UBE3C: variants seen among roughly 807,000 people sequenced by gnomAD.
UBE3C encodes the protein ubiquitin protein ligase E3C.
In UBE3C, 42 loss-of-function variants were observed where a neutral mutation model predicts 129.4. The observed-to-expected ratio is 0.32, with a 90% CI of 0.25 to 0.42. The LOEUF is 0.42. Ranked by LOEUF, UBE3C falls within the 10% of genes least tolerant of loss-of-function variation. The pLI, the probability that UBE3C is intolerant of heterozygous loss-of-function variation, is 1.00. For missense variants in UBE3C, 1,049 were observed against 1,319.1 expected (o/e 0.80, Z 3.17); for synonymous variants, 510 against 492.4 (o/e 1.04, Z -0.47).
intron 8 of UBE3C, among the ~76,000 whole-genome samples, chr7:157,183,595 C>T (rs998914779): frequency 3.3e-5 from 5 of 152,124 alleles, no homozygotes; most frequent in African/African-American, 7.2e-5. Context: ...TCTGAGTCCC[C>T]TAGATGGCCT....
chr7:157,180,037 A>G (rs1808626887), intron 6 of UBE3C, among the ~76,000 whole-genome samples: 1 of 152,222 alleles, frequency 6.6e-6, no homozygotes, highest in African/African-American at 2.4e-5. Context: ...CTAAAATTGT[A>G]AGGAAGATAT....
At position 157,238,393 on chromosome 7, in the gene UBE3C, G is replaced by A. The variant is rs150564236; in HGVS notation, c.2481+7066G>A. Among the ~76,000 whole-genome samples the A allele has an allele frequency of 5.9e-5, 9 of 152,132 alleles. No individual in the cohort carries two copies. In the East Asian group the frequency reaches 1.5e-3, roughly 26 times the overall value. ...GGGAGACCGGATGGAGTGTCACATC[G>A]TTCAGGTGGAGTGATGCTGCTGCCC... is the stretch of plus-strand genomic sequence containing the variant. On this transcript the variant is annotated intron_variant, in intron 18 of 22. Coordinates refer to ENST00000348165, the MANE Select transcript of UBE3C (RefSeq NM_014671.3).
At chr7:157,263,366 CT>C (rs1796973872) in intron 22 of UBE3C, 2 of 152,410 alleles carry the variant, frequency 1.3e-5, no homozygotes, top group South Asian at 4.1e-4. Context: ...GCTTTGTGGG[CT>C]TGCCACACTT....
chr7:157,239,243 G>T (rs548202840), intron 18 of UBE3C, among the ~76,000 whole-genome samples: 1 of 152,132 alleles, frequency 6.6e-6, no homozygotes, highest in East Asian at 1.9e-4. Context: ...TAAATTGTAG[G>T]ATATTCACAA....
intron 16 of UBE3C, among the ~76,000 whole-genome samples, chr7:157,224,912 A>G (rs994297029): frequency 1.3e-5 from 2 of 152,152 alleles, no homozygotes; most frequent in Admixed American, 1.3e-4. Context: ...TATTTCTACT[A>G]GTGTTAGTAT....
intron 17 of UBE3C, among the ~76,000 whole-genome samples, chr7:157,226,777 G>T (rs942990694): frequency 6.1e-5 from 9 of 146,842 alleles, no homozygotes; most frequent in Non-Finnish European, 8.9e-5. Flanking sequence ...ATGGCCCTCT[G>T]ATGCCGAGTG....
intron 1 of UBE3C, among the ~76,000 whole-genome samples, chr7:157,146,123 A>G (rs1347338522): frequency 1.3e-5 from 2 of 152,090 alleles, no homozygotes; most frequent in Non-Finnish European, 2.9e-5. Context: ...TTAATTTTTG[A>G]AGTTTTTTTG....
chr7:157,200,053 CAT>C (rs1326742828), intron 10 of UBE3C, among the ~76,000 whole-genome samples: 1 of 152,136 alleles, frequency 6.6e-6, no homozygotes, highest in African/African-American at 2.4e-5. Context: ...TTCATAAAAT[CAT>C]AATACTTCTG....
At chr7:157,157,226 G>T (rs1807935011) in intron 1 of UBE3C, among the ~76,000 whole-genome samples, 1 of 152,170 alleles carries the variant, frequency 6.6e-6, no homozygotes, top group African/African-American at 2.4e-5. Flanking sequence ...GACGGTAATA[G>T]TCCATGCTGT....
chr7:157,211,658 A>G (rs1056849120), intron 13 of UBE3C, among the ~76,000 whole-genome samples: 3 of 152,124 alleles, frequency 2.0e-5, no homozygotes, highest in East Asian at 1.9e-4. Flanking sequence ...ACTAAGGGCT[A>G]TATAAAATTT....
At chr7:157,216,789 C>G in intron 13 of UBE3C, 78 bp from the exon 14 acceptor site, 1 of 1,167,642 alleles carries the variant, frequency 8.6e-7, no homozygotes, top group Non-Finnish European at 1.3e-6. Context: ...TGTGCTCCTC[C>G]TCGAGTGAAT....
intron 18 of UBE3C, among the ~76,000 whole-genome samples, chr7:157,242,068 T>C (rs757441159): frequency 5.9e-5 from 9 of 152,196 alleles, no homozygotes; most frequent in Non-Finnish European, 1.0e-4. Context: ...CAGAAATTGA[T>C]TGTGGCGATG....
At chr7:157,235,866 G>A (rs1206055021) in intron 18 of UBE3C, among the ~76,000 whole-genome samples, 1 of 152,176 alleles carries the variant, frequency 6.6e-6, no homozygotes. Context: ...TTGTGCTAAT[G>A]TGCTAACCAT....
At chr7:157,142,483 C>A (rs1446839361) in intron 1 of UBE3C, among the ~76,000 whole-genome samples, 1 of 152,084 alleles carries the variant, frequency 6.6e-6, no homozygotes, top group Non-Finnish European at 1.5e-5. Context: ...GGTCCTGATT[C>A]AGAAAAAGTA....
chr7:157,148,903 A>G (rs2116806062), intron 1 of UBE3C, among the ~76,000 whole-genome samples: 1 of 151,724 alleles, frequency 6.6e-6, no homozygotes, highest in African/African-American at 2.4e-5. Context: ...GCTTGCCACT[A>G]CCCAACCCCA....
At chr7:157,224,586 A>C (rs1054208613) in intron 16 of UBE3C, among the ~76,000 whole-genome samples, 5 of 152,076 alleles carry the variant, frequency 3.3e-5, no homozygotes, top group African/African-American at 1.2e-4. Flanking sequence ...TATGTTTCCA[A>C]ATTTTAAAAT....
chr7:157,262,329 A>AT (rs1287670703), intron 22 of UBE3C, among the ~76,000 whole-genome samples: 1 of 138,568 alleles, frequency 7.2e-6, no homozygotes, highest in African/African-American at 2.6e-5. Flanking sequence ...CCACATATAT[A>AT]TTTTTTAATG....
chr7:157,223,601 G>A lies in UBE3C; in HGVS notation c.2100+250G>A, dbSNP rs80084785. Among the ~76,000 whole-genome samples the A allele has an allele frequency of 9.3e-3, 1,416 of 152,278 alleles. 22 individuals carry two copies. Among genetic ancestry groups the A allele is most frequent in the African/African-American group, 0.033 (1,366 of 41,554 alleles). ...AAACACTATAGATTTCTTATAATGA[G>A]GGTCTAACGTCATTTTTCTCTATTA... On this transcript the variant is annotated intron_variant, in intron 16 of 22. Transcript: ENST00000348165.
At position 157,152,468 on chromosome 7, in the gene UBE3C, A is replaced by G. The variant is rs149815638; in HGVS notation, c.67-11342A>G. On this transcript the variant is annotated intron_variant, in intron 1 of 22. Transcript: ENST00000348165. ...GCCTGAAGAGCAATGAGGGCCTAAAACCTGCAGTGGGCATTTTCTTTTAAG... is the reference window on the plus strand; with the variant it reads ...GCCTGAAGAGCAATGAGGGCCTAAAGCCTGCAGTGGGCATTTTCTTTTAAG... Among the ~76,000 whole-genome samples, 606 of 152,194 alleles carry G rather than the reference A, an allele frequency of 4.0e-3. 2 individuals are homozygous for G. The highest frequency in any genetic ancestry group is 0.014 in the African/African-American group (561 of 41,524).
Sources: allele counts gnomAD v4.1 joint callset (sites outside exome capture counted in the v4.1 genomes callset), GRCh38; gene constraint gnomAD v4.1.1; transcripts MANE v1.5; gene names NCBI Gene and HGNC (gene_info 2026-07-23, HGNC 2026-07-21).